The following MC2R variants were observed in gnomAD, a reference collection of about 807,000 sequenced individuals.
The protein encoded by MC2R is adrenocorticotropic hormone receptor.
MC2R carries 9 observed loss-of-function variants against 9.8 expected under a neutral mutation model. The observed-to-expected ratio is 0.92, with a 90% confidence interval of 0.55 to 1.60. The LOEUF is 1.60. MC2R is among the 40% of genes most tolerant of loss of function. The pLI is 0.00. For synonymous variants in MC2R, 185 were observed against 154.7 expected, an observed-to-expected ratio of 1.20 and a Z score of -1.45; for missense variants, 370 against 389.0, an observed-to-expected ratio of 0.95 and a Z score of 0.41.
chr18:13,886,893 A>G (rs1223527153), intron 1 of MC2R, among the ~76,000 whole-genome samples: 3 of 152,142 alleles, frequency 2.0e-5, no homozygotes, highest in African/African-American at 2.4e-5. Context: ...TTACCTTGGA[A>G]AGGATTGGGT....
At chr18:13,912,495 G>A (rs941612842) in intron 1 of MC2R, among the ~76,000 whole-genome samples, 1 of 152,214 alleles carries the variant, frequency 6.6e-6, no homozygotes, top group African/African-American at 2.4e-5. Context: ...TGGGCCAAGA[G>A]CTGTGGGAGG....
intron 1 of MC2R, among the ~76,000 whole-genome samples, chr18:13,909,916 C>T (rs928918333): frequency 1.3e-5 from 2 of 152,138 alleles, no homozygotes; most frequent in African/African-American, 4.8e-5. Context: ...ACTGGGGTGC[C>T]ATTTAAATTT....
At chr18:13,901,611 C>A (rs2045380594) in intron 1 of MC2R, among the ~76,000 whole-genome samples, 1 of 151,978 alleles carries the variant, frequency 6.6e-6, no homozygotes, top group Non-Finnish European at 1.5e-5. Flanking sequence ...TAACTATATG[C>A]CTGTAAATTG....
At chr18:13,903,385 C>T (rs777087757) in intron 1 of MC2R, among the ~76,000 whole-genome samples, 1 of 152,172 alleles carries the variant, frequency 6.6e-6, no homozygotes, top group South Asian at 2.1e-4. Context: ...GAAGAGGTAT[C>T]TCCACTCCTA....
intron 1 of MC2R, among the ~76,000 whole-genome samples, chr18:13,905,284 G>T (rs531762870): frequency 6.6e-6 from 1 of 152,092 alleles, no homozygotes; most frequent in African/African-American, 2.4e-5. Flanking sequence ...ATGAAAAAAA[G>T]CTACCATCCT....
rs1598459021 is a variant in MC2R, at chr18:13,884,578, C to A, written c.*47G>T. 1 of 1,598,824 alleles carries A rather than the reference C, an allele frequency of 6.3e-7. No individual in the cohort carries two copies. The highest frequency in any genetic ancestry group is 8.5e-7 in the Non-Finnish European group (1 of 1,173,378). On this transcript the variant is annotated 3_prime_UTR_variant, in exon 2 of 2. Transcript: ENST00000327606. The stretch of plus-strand genomic sequence containing the variant: ...GTTGGAATGTTACACTATTCTGGCA[C>A]TTGGCAACGTTATTCCCATGGATTC...
chr18:13,896,555 G>A (rs937883895), intron 1 of MC2R, among the ~76,000 whole-genome samples: 3 of 152,088 alleles, frequency 2.0e-5, no homozygotes, highest in African/African-American at 7.2e-5. Context: ...AATAAAATAA[G>A]CATCTATGAT....
intron 1 of MC2R, among the ~76,000 whole-genome samples, chr18:13,898,520 G>A (rs2045359929): frequency 6.6e-6 from 1 of 152,232 alleles, no homozygotes; most frequent in African/African-American, 2.4e-5. Flanking sequence ...CCAGGGCCTT[G>A]AGTGAACACA....
At position 13,899,309 on chromosome 18, in the gene MC2R, C is replaced by T. The variant is rs113940556; in HGVS notation, c.-128-13663G>A. 1.3e-3 allele frequency among the ~76,000 whole-genome samples: 182 copies of T among 144,626 alleles called. 1 individual carries two copies. The highest frequency in any genetic ancestry group is 4.8e-3 in the African/African-American group (165 of 34,328). 94.9% of individuals were successfully genotyped at this position (144,626 alleles called of 152,430 possible). A position where few individuals can be genotyped will look rare whatever the true frequency, so the allele number is the denominator to read the frequency against. On this transcript the variant is annotated intron_variant, in intron 1 of 1. Coordinates refer to ENST00000327606, the MANE Select transcript of MC2R (RefSeq NM_000529.2). ...TGAATACAGCCTATTTGAAAATACA[C>T]AGTCAGAAGAGACAAAAGAAAAAAG... is the stretch of plus-strand genomic sequence containing the variant.
At chr18:13,897,799 G>A (rs2045355232) in intron 1 of MC2R, among the ~76,000 whole-genome samples, 1 of 152,026 alleles carries the variant, frequency 6.6e-6, no homozygotes, top group South Asian at 2.1e-4. Flanking sequence ...GCCTTGAAGG[G>A]AAGGAACCAG....
At chr18:13,905,993 A>C (rs1017237809) in intron 1 of MC2R, among the ~76,000 whole-genome samples, 1 of 152,172 alleles carries the variant, frequency 6.6e-6, no homozygotes, top group African/African-American at 2.4e-5. Context: ...GTCTTGTTCC[A>C]GATCTTAGAG....
rs1567895719 is a variant in MC2R at position 13,885,127 on chromosome 18, G to A, written c.392C>T (p.Thr131Ile). Residue 131 changes from threonine (T) to isoleucine (I), a missense_variant, in exon 2 of 2, where the codon ACC becomes ATC. Transcript: ENST00000327606. ...GTGGTACCGCAGTGCGTGGAAGATG[G>A]TGATGTAGCGGTCCGCAGCAATCAC... ...LSVIAADRYI[T>I]IFHALRYHSI... 1 of 1,614,178 alleles carries A rather than the reference G, an allele frequency of 6.2e-7. No homozygotes were observed. Among genetic ancestry groups the A allele is most frequent in the Non-Finnish European group, 8.5e-7 (1 of 1,180,040 alleles).
intron 1 of MC2R, among the ~76,000 whole-genome samples, chr18:13,892,886 G>C (rs893945566): frequency 1.3e-5 from 2 of 151,870 alleles, no homozygotes; most frequent in Non-Finnish European, 2.9e-5. Context: ...GAATACAGTG[G>C]TGTGGTCATG....
At position 13,885,388 on chromosome 18, in the gene MC2R, A is replaced by G. The variant is rs1300506345; in HGVS notation, c.131T>C (p.Ile44Thr). ...ATTCTTGAACACAGCCAGCAGGACGATCAGATTCTCCAAAACTCCAACAAT... is the reference window on the plus strand; with the variant it reads ...ATTCTTGAACACAGCCAGCAGGACGGTCAGATTCTCCAAAACTCCAACAAT... Reference protein sequence around the residue: ...ISIVGVLENLIVLLAVFKNKN... With the variant: ...ISIVGVLENLTVLLAVFKNKN... Residue 44 changes from isoleucine (I) to threonine (T), a missense_variant, in exon 2 of 2, where the codon ATC becomes ACC. By Grantham distance (89) the Ile-to-Thr change is moderately conservative (BLOSUM62 -1). Transcript: ENST00000327606. 6.2e-7 allele frequency: 1 copy of G among 1,614,060 alleles called. No homozygotes were observed. Among genetic ancestry groups the G allele is most frequent in the African/African-American group, 1.3e-5 (1 of 74,928 alleles).
At chr18:13,890,597 G>A (rs1039895270) in intron 1 of MC2R, among the ~76,000 whole-genome samples, 2 of 152,222 alleles carry the variant, frequency 1.3e-5, no homozygotes, top group Admixed American at 6.5e-5. Context: ...TCCTCTCCGC[G>A]TCCCAGCTTC....
chr18:13,886,525 A>C (rs1424635883), intron 1 of MC2R, among the ~76,000 whole-genome samples: 3 of 152,110 alleles, frequency 2.0e-5, no homozygotes, highest in Non-Finnish European at 4.4e-5. Context: ...TGGACTCGGG[A>C]GATGTTTAGT....
At chr18:13,887,556 A>T (rs1417967532) in intron 1 of MC2R, among the ~76,000 whole-genome samples, 1 of 152,204 alleles carries the variant, frequency 6.6e-6, no homozygotes, top group East Asian at 1.9e-4. Flanking sequence ...GTGGTGAGAC[A>T]GTGTTCTAGG....
At chr18:13,894,496 C>T (rs1368178146) in intron 1 of MC2R, among the ~76,000 whole-genome samples, 1 of 152,230 alleles carries the variant, frequency 6.6e-6, no homozygotes, top group African/African-American at 2.4e-5. Context: ...ATAGATTTTA[C>T]AGGCTGTGGT....
In MC2R at chr18:13,885,387, G is replaced by A. The variant is rs369691563; in HGVS notation, c.132C>T (p.Ile44=). Residue 44 remains isoleucine, a synonymous_variant, in exon 2 of 2, where the codon ATC becomes ATT. Coordinates refer to ENST00000327606, the MANE Select transcript of MC2R (RefSeq NM_000529.2). ...ISIVGVLENL[I]VLLAVFKNKN... ...TATTCTTGAACACAGCCAGCAGGACGATCAGATTCTCCAAAACTCCAACAA... is the reference window on the plus strand; with the variant it reads ...TATTCTTGAACACAGCCAGCAGGACAATCAGATTCTCCAAAACTCCAACAA... 1.4e-5 allele frequency: 23 copies of A among 1,613,964 alleles called. 1 individual carries two copies. The highest frequency in any genetic ancestry group is 4.4e-5 in the South Asian group (4 of 91,078).
Sources: allele counts gnomAD v4.1 joint callset (sites outside exome capture counted in the v4.1 genomes callset), GRCh38; gene constraint gnomAD v4.1.1; transcripts MANE v1.5; gene names NCBI Gene and HGNC (gene_info 2026-07-23, HGNC 2026-07-21).